The following ALDH7A1 variants were observed in gnomAD, a reference collection of about 807,000 sequenced individuals.
The protein encoded by ALDH7A1 is alpha-aminoadipic semialdehyde dehydrogenase.
ALDH7A1 carries 63 observed loss-of-function variants against 79.9 expected under a neutral mutation model. The ratio of observed to expected loss-of-function variants is 0.79; its 90% CI spans 0.64 to 0.97. ALDH7A1 has a LOEUF of 0.97. Among genes scored for constraint, ALDH7A1 ranks in the 50% least tolerant of loss-of-function variants. The pLI is 0.00. For synonymous variants in ALDH7A1, 240 were observed against 231.2 expected, an observed-to-expected ratio of 1.04 and a Z score of -0.34; for missense variants, 627 against 665.2, an observed-to-expected ratio of 0.94 and a Z score of 0.63.
Position 126,550,198 on chromosome 5 carries a change from A to C in ALDH7A1, c.1413T>G (p.Leu471=). 6.2e-7 allele frequency: 1 copy of C among 1,612,340 alleles called. No homozygotes were observed. Among genetic ancestry groups the C allele is most frequent in the Non-Finnish European group, 8.5e-7 (1 of 1,179,610 alleles). The change falls in exon 15 of 18, where the codon CTT becomes CTG. Residue 471 remains leucine (L), a splice_region_variant and synonymous_variant. Transcript: ENST00000409134. ...TKDLGRIFRW[L]GPKGSDCGIV... The stretch of plus-strand genomic sequence containing the variant: ...TTTCAAAATAGACAAAGTTGTACCC[A>C]AGCCAGCGAAAGATTCTGCCCAGAT...
intron 7 of ALDH7A1, among the ~76,000 whole-genome samples, chr5:126,572,917 C>T (rs1444504585): frequency 2.0e-5 from 3 of 152,162 alleles, no homozygotes; most frequent in Non-Finnish European, 1.5e-5. Context: ...CTGGGGTCAT[C>T]TTAGGAATCT....
rs184197614 is a variant in ALDH7A1, at chr5:126,566,398, G to A, written c.871+1861C>T. Among the ~76,000 whole-genome samples the A allele has an allele frequency of 6.1e-4, 93 of 152,274 alleles. No homozygotes were observed. The Middle Eastern group carries it at 0.01, about 17-fold the overall frequency. On this transcript the variant is annotated intron_variant, in intron 9 of 17. Transcript: ENST00000409134. ...TTGGATTGTTCATTGTTAATGCATAGAAATATAATTGATTTTTGTATCTCA... is the reference window on the plus strand; with the variant it reads ...TTGGATTGTTCATTGTTAATGCATAAAAATATAATTGATTTTTGTATCTCA...
intron 13 of ALDH7A1, among the ~76,000 whole-genome samples, chr5:126,552,479 G>A (rs369403111): frequency 1.7e-4 from 26 of 152,204 alleles, no homozygotes; most frequent in African/African-American, 5.3e-4. Context: ...TGCAACCTCC[G>A]TCTCCCGGGT....
chr5:126,581,426 C>T (rs531655854), intron 5 of ALDH7A1: 3 of 149,932 alleles, frequency 2.0e-5, no homozygotes, highest in South Asian at 2.1e-4. Context: ...ACCTGAGCCC[C>T]GGAGTTCGAG....
chr5:126,589,691 C>T (rs182989252), intron 3 of ALDH7A1, among the ~76,000 whole-genome samples: 35 of 151,050 alleles, frequency 2.3e-4, no homozygotes, highest in Non-Finnish European at 1.2e-4. Flanking sequence ...ACCGCCCCAT[C>T]TGGGATGTGA....
chr5:126,594,907 T>TA, intron 1 of ALDH7A1, 100 bp downstream of exon 1: 1 of 1,465,912 alleles, frequency 6.8e-7, no homozygotes, highest in Non-Finnish European at 9.3e-7. Context: ...CCCATGCTAC[T>TA]ACCGCATCCA....
intron 3 of ALDH7A1, among the ~76,000 whole-genome samples, chr5:126,590,221 G>A (rs980427585): frequency 2.6e-5 from 4 of 151,752 alleles, no homozygotes; most frequent in African/African-American, 4.8e-5. Flanking sequence ...AGTGAGGAGC[G>A]CCTCTGCCCG....
At chr5:126,574,992 T>A (rs572592709) in intron 7 of ALDH7A1, among the ~76,000 whole-genome samples, 1 of 152,324 alleles carries the variant, frequency 6.6e-6, no homozygotes, top group African/African-American at 2.4e-5. Context: ...ATTTTAGTGT[T>A]AGATGAATCA....
intron 14 of ALDH7A1, among the ~76,000 whole-genome samples, chr5:126,550,652 C>A (rs751141514): frequency 1.4e-5 from 2 of 146,050 alleles, no homozygotes; most frequent in Non-Finnish European, 3.1e-5. Context: ...TTCCTACTAC[C>A]TCCCAATTTA....
rs779179752 is a variant in ALDH7A1, at chr5:126,554,396, G to A, written c.1094-3C>T. 3.8e-5 allele frequency: 61 copies of A among 1,613,456 alleles called. No homozygotes were observed. Among genetic ancestry groups the A allele is most frequent in the Non-Finnish European group, 5.1e-5 (60 of 1,179,436 alleles). On this transcript the variant is annotated splice_region_variant and splice_polypyrimidine_tract_variant and intron_variant, in intron 12 of 17. Coordinates refer to ENST00000409134, the MANE Select transcript of ALDH7A1 (RefSeq NM_001182.5). ...GAGTGGCCCATAGAGAACATTAGCT[G>A]GAGAGAGAAAAGGAAGGCTGGCTCA...
rs1751627157 is a variant in ALDH7A1 at position 126,593,423 on chromosome 5, T to G, written c.193-19A>C. The G allele has an allele frequency of 6.2e-7, 1 of 1,613,718 alleles. No homozygotes were observed. On this transcript the variant is annotated intron_variant, in intron 1 of 17. Coordinates refer to ENST00000409134, the MANE Select transcript of ALDH7A1 (RefSeq NM_001182.5). ...TAATAACCTTAAAACAAAAGGATGA[T>G]GATCATGTATAGAAAACGTAATCCC...
At chr5:126,555,848 A>G in intron 12 of ALDH7A1, 83 bp downstream of exon 12, 1 of 1,167,098 alleles carries the variant, frequency 8.6e-7, no homozygotes, top group Non-Finnish European at 1.3e-6. Flanking sequence ...AAAGGGAAAG[A>G]AACTCCAAAA....
chr5:126,572,067 T>G (rs1378819550), intron 7 of ALDH7A1, among the ~76,000 whole-genome samples: 1 of 152,196 alleles, frequency 6.6e-6, no homozygotes, highest in Non-Finnish European at 1.5e-5. Flanking sequence ...AATTCTGGTT[T>G]CTCTGAAAAA....
At chr5:126,557,690 A>T (rs1219724407) in intron 11 of ALDH7A1, among the ~76,000 whole-genome samples, 3 of 152,228 alleles carry the variant, frequency 2.0e-5, no homozygotes, top group Non-Finnish European at 4.4e-5. Flanking sequence ...AGTCTTATAA[A>T]GAATTTGTTC....
At chr5:126,552,167 G>A in intron 13 of ALDH7A1, 30 bp from the exon 14 acceptor site, 1 of 1,576,948 alleles carries the variant, frequency 6.3e-7, no homozygotes, top group Middle Eastern at 1.7e-4. Flanking sequence ...TAAAAAGAAT[G>A]AAAGCATTTT....
intron 9 of ALDH7A1, among the ~76,000 whole-genome samples, chr5:126,565,625 T>C (rs1428103039): frequency 6.6e-6 from 1 of 152,186 alleles, no homozygotes; most frequent in African/African-American, 2.4e-5. Context: ...AAAACTAATT[T>C]GTCTTTTAAT....
intron 3 of ALDH7A1, among the ~76,000 whole-genome samples, chr5:126,590,138 A>G (rs557213313): frequency 1.1e-3 from 164 of 149,594 alleles, no homozygotes; most frequent in African/African-American, 3.9e-3. Context: ...GAAAGTGAAG[A>G]GCGCCTCTGC....
intron 16 of ALDH7A1, among the ~76,000 whole-genome samples, chr5:126,547,902 A>C (rs1278552244): frequency 6.6e-6 from 1 of 152,080 alleles, no homozygotes; most frequent in African/African-American, 2.4e-5. Flanking sequence ...AAATACAAAA[A>C]TTAGCCAGGC....
chr5:126,563,870 C>G (rs1750484866), intron 9 of ALDH7A1, among the ~76,000 whole-genome samples: 1 of 151,978 alleles, frequency 6.6e-6, no homozygotes, highest in Non-Finnish European at 1.5e-5. Flanking sequence ...CTCACTGCAG[C>G]CTCAATTTCT....
Sources: allele counts gnomAD v4.1 joint callset (sites outside exome capture counted in the v4.1 genomes callset), GRCh38; gene constraint gnomAD v4.1.1; transcripts MANE v1.5; gene names NCBI Gene and HGNC (gene_info 2026-07-23, HGNC 2026-07-21).